CPQ: variants seen among roughly 807,000 people sequenced by gnomAD.
CPQ encodes the protein carboxypeptidase Q.
Under a neutral mutation model 45.7 loss-of-function variants are expected in CPQ, and 37 were observed. The ratio of observed to expected loss-of-function variants is 0.81; its 90% CI spans 0.62 to 1.07. The LOEUF (loss-of-function observed/expected upper bound fraction) is 1.07, where lower values mean the gene tolerates loss of function less well. Ranked by LOEUF, CPQ falls within the 50% of genes least tolerant of loss-of-function variation. The pLI is 0.00. For missense variants in CPQ, 537 were observed against 572.9 expected (o/e 0.94, Z 0.64); for synonymous variants, 186 against 205.8 (o/e 0.90, Z 0.82).
In CPQ at chr8:96,900,579, T is replaced by G. The variant is rs184886779; in HGVS notation, c.849+20574T>G. 5.3e-5 allele frequency among the ~76,000 whole-genome samples: 8 copies of G among 152,336 alleles called. No homozygotes were observed. The East Asian group carries it at 1.5e-3, about 29-fold the overall frequency. ...TATTTCTATTGCTTAGCAACTCTAT[T>G]TCCTCATGTAGCCATAACAAATGGA... On this transcript the variant is annotated intron_variant, in intron 4 of 7. Transcript: ENST00000220763.
intron 7 of CPQ, among the ~76,000 whole-genome samples, chr8:97,139,724 T>C (rs1200271132): frequency 6.6e-6 from 1 of 152,082 alleles, no homozygotes; most frequent in African/African-American, 2.4e-5. Context: ...ACTGGTGAGA[T>C]ACAGCTAAAG....
At chr8:97,091,884 CAGAG>C (rs148999960) in intron 7 of CPQ, among the ~76,000 whole-genome samples, 3 of 132,822 alleles carry the variant, frequency 2.3e-5, no homozygotes, top group Non-Finnish European at 3.5e-5. Context: ...GGATGGATGG[CAGAG>C]AGAGAGAGAG....
chr8:97,016,722 A>G (rs1809586932), intron 5 of CPQ, among the ~76,000 whole-genome samples: 1 of 152,204 alleles, frequency 6.6e-6, no homozygotes, highest in Non-Finnish European at 1.5e-5. Context: ...GCTTTGTTCA[A>G]TGAATAGGAG....
intron 5 of CPQ, among the ~76,000 whole-genome samples, chr8:97,006,477 A>C (rs6982409): frequency 0.019 from 2,946 of 152,284 alleles, 117 homozygotes; most frequent in African/African-American, 0.066. Flanking sequence ...AAGAAGTGCA[A>C]GGGAAATAAA....
chr8:97,032,419 C>T (rs951732935), intron 6 of CPQ, among the ~76,000 whole-genome samples: 1 of 152,206 alleles, frequency 6.6e-6, no homozygotes, highest in Admixed American at 6.5e-5. Context: ...TACTCACACT[C>T]CATTGGCAAG....
At chr8:96,724,129 A>G (rs1012901492) in intron 1 of CPQ, among the ~76,000 whole-genome samples, 5 of 151,854 alleles carry the variant, frequency 3.3e-5, no homozygotes, top group Admixed American at 6.6e-5. Context: ...TTGCATCTGT[A>G]TGCATTCTCT....
intron 1 of CPQ, among the ~76,000 whole-genome samples, chr8:96,684,331 A>T (rs1365098060): frequency 6.6e-6 from 1 of 152,174 alleles, no homozygotes. Flanking sequence ...TGAGTTCCTC[A>T]GTGGCTTAGA....
intron 3 of CPQ, among the ~76,000 whole-genome samples, chr8:96,872,134 A>T (rs1812078342): frequency 6.6e-6 from 1 of 151,936 alleles, no homozygotes. Flanking sequence ...CAGATTTTGG[A>T]ATACTTACAT....
chr8:96,672,625 A>T (rs2130721737), intron 1 of CPQ, among the ~76,000 whole-genome samples: 1 of 151,830 alleles, frequency 6.6e-6, no homozygotes, highest in Non-Finnish European at 1.5e-5. Flanking sequence ...TAAAAATACA[A>T]AAATTAGCTG....
At chr8:96,940,295 G>C (rs1813107669) in intron 4 of CPQ, among the ~76,000 whole-genome samples, 1 of 152,042 alleles carries the variant, frequency 6.6e-6, no homozygotes. Flanking sequence ...TAAAACTGAA[G>C]GTTAACATTG....
At position 96,805,411 on chromosome 8, in the gene CPQ, C is replaced by T. The variant is rs139049303; in HGVS notation, c.433+20081C>T. On this transcript the variant is annotated intron_variant, in intron 2 of 7. Transcript: ENST00000220763. ...ATCCAATTAATAATGACAGTGTGAC[C>T]TTTATCAACTTATTTCGCCTTTCAA... is the stretch of plus-strand genomic sequence containing the variant. 2.1e-3 allele frequency among the ~76,000 whole-genome samples: 325 copies of T among 152,190 alleles called. 2 individuals carry two copies. Among genetic ancestry groups the T allele is most frequent in the African/African-American group, 6.8e-3 (281 of 41,510 alleles).
intron 1 of CPQ, among the ~76,000 whole-genome samples, chr8:96,670,297 A>G (rs1808983959): frequency 6.7e-6 from 1 of 150,010 alleles, no homozygotes. Flanking sequence ...GAACATGTGT[A>G]TGGAGTGACT....
intron 4 of CPQ, among the ~76,000 whole-genome samples, chr8:96,917,005 A>G (rs538185499): frequency 3.3e-5 from 5 of 152,228 alleles, no homozygotes; most frequent in African/African-American, 1.2e-4. Context: ...TGGCTGAGGT[A>G]GTGTTCATCA....
chr8:96,809,076 T>C (rs1199022838), intron 2 of CPQ, among the ~76,000 whole-genome samples: 4 of 152,172 alleles, frequency 2.6e-5, no homozygotes, highest in Admixed American at 2.6e-4. Flanking sequence ...GTTTGAGAAG[T>C]GCTTTGAGCT....
intron 7 of CPQ, among the ~76,000 whole-genome samples, chr8:97,075,347 T>C (rs1409307881): frequency 1.3e-5 from 2 of 152,214 alleles, no homozygotes; most frequent in Non-Finnish European, 2.9e-5. Context: ...GAGTTCCCCT[T>C]CTTATCCATA....
At chr8:96,645,840 C>T (rs1452698710) in intron 1 of CPQ, among the ~76,000 whole-genome samples, 1 of 151,346 alleles carries the variant, frequency 6.6e-6, no homozygotes, top group Non-Finnish European at 1.5e-5. Context: ...GTTCCTTTCG[C>T]ATTTTACCGT....
Position 96,835,079 on chromosome 8 carries a change from C to A in CPQ, c.540C>A (p.Tyr180Ter). The A allele has an allele frequency of 2.5e-6, 4 of 1,613,232 alleles. No individual in the cohort carries two copies. The highest frequency in any genetic ancestry group is 3.4e-6 in the Non-Finnish European group (4 of 1,179,582). Reference sequence around the variant, plus strand: ...TTTATAACCAACCTTACATCAACTACTCAAGGACGGTGCAATACCGAACGC... The same window carrying A: ...TTTATAACCAACCTTACATCAACTAATCAAGGACGGTGCAATACCGAACGC... ...IVVYNQPYIN[Y>*]SRTVQYRTQG... The change falls in exon 3 of 8, where the codon TAC becomes TAA. Residue 180 changes from tyrosine to a stop codon, truncating the protein, a stop_gained. Coordinates refer to ENST00000220763, the MANE Select transcript of CPQ (RefSeq NM_016134.4). LOFTEE classifies it high-confidence loss of function.
At chr8:96,975,142 C>T (rs1023568684) in intron 5 of CPQ, among the ~76,000 whole-genome samples, 4 of 151,420 alleles carry the variant, frequency 2.6e-5, no homozygotes, top group Admixed American at 6.6e-5. Flanking sequence ...CAAATATGCT[C>T]AATTAGAAAT....
chr8:96,929,633 G>C (rs368606028), intron 4 of CPQ, among the ~76,000 whole-genome samples: 13 of 152,100 alleles, frequency 8.5e-5, no homozygotes, highest in African/African-American at 3.1e-4. Context: ...CTGTCTCTCT[G>C]AAACATGATT....
Sources: gnomAD v4.1 joint callset for allele counts (sites outside exome capture counted in the v4.1 genomes callset) on GRCh38, gnomAD v4.1.1 for gene constraint, MANE v1.5 for transcripts, NCBI Gene and HGNC (gene_info 2026-07-23, HGNC 2026-07-21) for gene names.